LINGO2: variants seen among roughly 807,000 people sequenced by gnomAD.
The protein encoded by LINGO2 is leucine rich repeat and Ig domain containing 2.
In LINGO2, 14 loss-of-function variants were observed where a neutral mutation model predicts 30.6. The ratio of observed to expected loss-of-function variants is 0.46; its 90% CI spans 0.30 to 0.72. LINGO2 has a LOEUF of 0.72. Among genes scored for constraint, LINGO2 ranks in the 30% least tolerant of loss-of-function variants. LINGO2 has a pLI of 0.07. For synonymous variants in LINGO2, 317 were observed against 288.5 expected, an observed-to-expected ratio of 1.10 and a Z score of -1.00; for missense variants, 729 against 751.7, an observed-to-expected ratio of 0.97 and a Z score of 0.35.
intron 4 of LINGO2, among the ~76,000 whole-genome samples, chr9:28,065,803 A>G (rs543338110): frequency 1.3e-5 from 2 of 152,220 alleles, no homozygotes; most frequent in Non-Finnish European, 2.9e-5. Flanking sequence ...ATTGTTATCA[A>G]TCATAATGAG....
chr9:28,951,494 T>C, the LINGO2 span, among the ~76,000 whole-genome samples: 18,050 of 152,000 alleles, frequency 0.12, 1,071 homozygotes, highest in South Asian at 0.15. Flanking sequence ...TCAGCGGCAG[T>C]CATTTCTGCC....
chr9:28,307,717 G>A (rs1246725456), intron 3 of LINGO2, among the ~76,000 whole-genome samples: 1 of 152,134 alleles, frequency 6.6e-6, no homozygotes, highest in Non-Finnish European at 1.5e-5. Flanking sequence ...AAGCTGATAA[G>A]CAACTTCAGC....
chr9:28,090,179 T>A (rs540259523), intron 4 of LINGO2, among the ~76,000 whole-genome samples: 2 of 151,980 alleles, frequency 1.3e-5, no homozygotes, highest in African/African-American at 2.4e-5. Context: ...TTCCAATCAA[T>A]AGAAAAAGAG....
At chr9:28,673,098 A>AT (rs1239019125), upstream of LINGO2, among the ~76,000 whole-genome samples, 1 of 152,144 alleles carries the variant, frequency 6.6e-6, no homozygotes, top group African/African-American at 2.4e-5. Flanking sequence ...TTTGTAGGGT[A>AT]TTTTTTAAAG....
intron 4 of LINGO2, among the ~76,000 whole-genome samples, chr9:28,217,877 T>C (rs1187408016): frequency 6.6e-6 from 1 of 151,968 alleles, no homozygotes; most frequent in Non-Finnish European, 1.5e-5. Flanking sequence ...GAGATAATTG[T>C]TTGCAGAAAT....
the LINGO2 span, among the ~76,000 whole-genome samples, chr9:29,086,621 A>C: frequency 6.6e-6 from 1 of 152,198 alleles, no homozygotes; most frequent in Non-Finnish European, 1.5e-5. Flanking sequence ...AGGTGAAAAA[A>C]ATTGAAAGAA....
the LINGO2 span, among the ~76,000 whole-genome samples, chr9:29,196,392 C>T: frequency 6.6e-6 from 1 of 152,042 alleles, no homozygotes; most frequent in African/African-American, 2.4e-5. Context: ...GTATTATTAG[C>T]TGTTCATAGC....
the LINGO2 span, among the ~76,000 whole-genome samples, chr9:29,212,318 G>GC: frequency 1.3e-5 from 2 of 151,782 alleles, no homozygotes; most frequent in Non-Finnish European, 2.9e-5. Context: ...GCCTCCTGGC[G>GC]CCCCCACACC....
chr9:28,509,182 A>T (rs1488405256), intron 1 of LINGO2, among the ~76,000 whole-genome samples: 3 of 152,170 alleles, frequency 2.0e-5, no homozygotes, highest in African/African-American at 7.2e-5. Flanking sequence ...TATGAGTGAG[A>T]CTGTAATTTA....
the LINGO2 span, among the ~76,000 whole-genome samples, chr9:29,119,635 G>C: frequency 2.3e-5 from 3 of 131,580 alleles, no homozygotes; most frequent in Admixed American, 2.6e-4. Context: ...GCCCAGGCTA[G>C]AGTGCAATGG....
chr9:28,395,180 A>G (rs912865817), intron 2 of LINGO2, among the ~76,000 whole-genome samples: 5 of 152,228 alleles, frequency 3.3e-5, no homozygotes, highest in African/African-American at 1.2e-4. Context: ...AATAAACAGA[A>G]GAAAGCCCTT....
intron 4 of LINGO2, among the ~76,000 whole-genome samples, chr9:28,178,563 A>G (rs1246285096): frequency 6.6e-6 from 1 of 152,126 alleles, no homozygotes. Context: ...AGGAACAGGA[A>G]CAAAGCTTTG....
intron 1 of LINGO2, among the ~76,000 whole-genome samples, chr9:28,513,933 G>T (rs956429349): frequency 6.6e-5 from 10 of 152,218 alleles, no homozygotes; most frequent in Non-Finnish European, 1.3e-4. Flanking sequence ...CATAGAGCAA[G>T]TCTATCAGCA....
At chr9:28,174,505 A>T (rs1828688125) in intron 4 of LINGO2, among the ~76,000 whole-genome samples, 1 of 152,148 alleles carries the variant, frequency 6.6e-6, no homozygotes, top group Admixed American at 6.5e-5. Flanking sequence ...GTACACACAC[A>T]CAAACACACA....
the LINGO2 span, among the ~76,000 whole-genome samples, chr9:28,821,862 G>A: frequency 6.6e-6 from 1 of 152,202 alleles, no homozygotes; most frequent in East Asian, 1.9e-4. Context: ...TCAAAGGCCC[G>A]TCAAGGTAAT....
At chr9:28,787,373 C>T in the LINGO2 span, among the ~76,000 whole-genome samples, 1 of 152,010 alleles carries the variant, frequency 6.6e-6, no homozygotes, top group East Asian at 1.9e-4. Flanking sequence ...ATCAAATACA[C>T]CAGATTATAG....
intron 1 of LINGO2, among the ~76,000 whole-genome samples, chr9:28,602,798 A>C (rs1825543797): frequency 6.6e-6 from 1 of 152,100 alleles, no homozygotes; most frequent in Non-Finnish European, 1.5e-5. Flanking sequence ...ATTTAAAAAC[A>C]AGCCCTAATC....
the LINGO2 span, among the ~76,000 whole-genome samples, chr9:28,884,745 C>G: frequency 2.6e-5 from 3 of 115,374 alleles, no homozygotes; most frequent in African/African-American, 9.8e-5. Context: ...TAAAACTATA[C>G]ACATACACAT....
chr9:29,117,631 G>A, the LINGO2 span, among the ~76,000 whole-genome samples: 1 of 152,138 alleles, frequency 6.6e-6, no homozygotes, highest in African/African-American at 2.4e-5. Flanking sequence ...CCAGCCAAGA[G>A]CAATTTTCAG....
Sources: gnomAD v4.1 joint callset for allele counts (sites outside exome capture counted in the v4.1 genomes callset) on GRCh38, gnomAD v4.1.1 for gene constraint, MANE v1.5 for transcripts, NCBI Gene and HGNC (gene_info 2026-07-23, HGNC 2026-07-21) for gene names.